EPN2: variants seen among roughly 807,000 people sequenced by gnomAD.
EPN2 encodes epsin 2, also known as epsin-2.
EPN2 carries 34 observed loss-of-function variants against 61.7 expected under a neutral mutation model. The observed-to-expected ratio is 0.55, with a 90% CI of 0.42 to 0.73. The LOEUF is 0.73. Ranked by LOEUF, EPN2 falls within the 30% of genes least tolerant of loss-of-function variation. EPN2 has a pLI of 0.00. For missense variants in EPN2, 714 were observed against 839.2 expected (o/e 0.85, Z 1.84); for synonymous variants, 349 against 353.6 (o/e 0.99, Z 0.15).
chr17:19,293,393 A>G, intron 4 of EPN2, among the ~76,000 whole-genome samples: 1 of 149,594 alleles, frequency 6.7e-6, no homozygotes, highest in East Asian at 2.0e-4. Context: ...AAAAAAAGAC[A>G]GGGTCTTGCT....
chr17:19,241,584 C>CAAAAAAAAAAAAAAAAAA (rs767439856), intron 1 of EPN2, among the ~76,000 whole-genome samples: 2 of 60,084 alleles, frequency 3.3e-5, no homozygotes, highest in Non-Finnish European at 7.5e-5. Flanking sequence ...GACTCTGTCT[C>CAAAAAAAAAAAAAAAAAA]AAAAAAAAAA....
At chr17:19,333,809 C>G in intron 10 of EPN2, 147 bp from the exon 11 acceptor site, 1 of 561,536 alleles carries the variant, frequency 1.8e-6, no homozygotes, top group Non-Finnish European at 3.1e-6. Context: ...CAGATATTTG[C>G]TAGTGTCTGC....
At position 19,285,319 on chromosome 17, in the gene EPN2, C is replaced by T. The variant is rs900144856; in HGVS notation, c.596-301C>T. Among the ~76,000 whole-genome samples the T allele has an allele frequency of 6.6e-6, 1 of 152,270 alleles. No homozygotes were observed. The highest frequency in any genetic ancestry group is 2.4e-5 in the African/African-American group (1 of 41,474). On this transcript the variant is annotated intron_variant, in intron 3 of 10. Coordinates refer to ENST00000314728, the MANE Select transcript of EPN2 (RefSeq NM_014964.5). This position sits in a 1 kb window ranked among gnomAD's most constrained non-coding sequence, Gnocchi z 4.5. ...TGCAGGGGTTGGAACAGTGGGGATG[C>T]AGGAGCCTGGTTTGATCCACCCCTC...
At chr17:19,293,915 CCT>C (rs1434060854) in intron 4 of EPN2, among the ~76,000 whole-genome samples, 1 of 151,722 alleles carries the variant, frequency 6.6e-6, no homozygotes, top group African/African-American at 2.4e-5. Context: ...TGGTGAAACC[CCT>C]GTCTCTACCA....
intron 1 of EPN2, among the ~76,000 whole-genome samples, chr17:19,264,869 C>T (rs1241556900): frequency 6.6e-6 from 1 of 152,094 alleles, no homozygotes; most frequent in Non-Finnish European, 1.5e-5. Flanking sequence ...TGAGAGCCTG[C>T]AGTCCAGAGG....
chr17:19,324,492 C>T (rs1024347555), intron 7 of EPN2, among the ~76,000 whole-genome samples: 5 of 152,114 alleles, frequency 3.3e-5, no homozygotes, highest in African/African-American at 9.7e-5. Flanking sequence ...TGCTACCACG[C>T]CCAGCTAATT....
intron 4 of EPN2, among the ~76,000 whole-genome samples, chr17:19,297,700 G>A (rs192284228): frequency 9.9e-5 from 15 of 152,278 alleles, no homozygotes; most frequent in African/African-American, 2.9e-4. Context: ...ATGAGGCCAA[G>A]GGCAAGCCAC....
intron 7 of EPN2, among the ~76,000 whole-genome samples, chr17:19,321,820 C>T (rs1906650474): frequency 6.6e-6 from 1 of 152,144 alleles, no homozygotes. Context: ...CCCCAGGTCT[C>T]CCGTGTCCTC....
chr17:19,333,543 T>C (rs1161924436), intron 10 of EPN2, among the ~76,000 whole-genome samples: 1 of 152,186 alleles, frequency 6.6e-6, no homozygotes, highest in Non-Finnish European at 1.5e-5. Flanking sequence ...TGTGGATCCC[T>C]GGGTGCATTG....
In EPN2 at chr17:19,313,140, T is replaced by C. The variant is rs1262941134; in HGVS notation, c.1008T>C (p.Asp336=). ...TCCCACAGCAGACTACGCTGTTGGA[T>C]TTAATGGATGCTCTCCCCAGCTCGG... is the stretch of plus-strand genomic sequence containing the variant. ...GSLPQQTTLL[D]LMDALPSSGP... is the part of the protein sequence containing the mutation. The change falls in exon 7 of 11, where the codon GAT becomes GAC. Residue 336 remains aspartate, a synonymous_variant. Coordinates refer to ENST00000314728, the MANE Select transcript of EPN2 (RefSeq NM_014964.5). The C allele has an allele frequency of 6.2e-7, 1 of 1,613,858 alleles. No homozygotes were observed. The highest frequency in any genetic ancestry group is 2.2e-5 in the East Asian group (1 of 44,846).
intron 1 of EPN2, among the ~76,000 whole-genome samples, chr17:19,255,135 C>T (rs1485802091): frequency 2.0e-5 from 3 of 152,136 alleles, no homozygotes; most frequent in African/African-American, 4.8e-5. Flanking sequence ...GCCTGTGTCA[C>T]GTCTTTGGTG....
intron 1 of EPN2, among the ~76,000 whole-genome samples, chr17:19,269,167 C>T (rs1224413934): frequency 1.3e-5 from 2 of 152,164 alleles, no homozygotes; most frequent in Non-Finnish European, 2.9e-5. Context: ...AGAAGAACAA[C>T]AAGAAAACAT....
chr17:19,310,963 C>G (rs928537151), intron 5 of EPN2, among the ~76,000 whole-genome samples: 4 of 152,178 alleles, frequency 2.6e-5, no homozygotes, highest in African/African-American at 9.6e-5. Context: ...ATTGTCAAGC[C>G]TTTGGTTGCA....
intron 1 of EPN2, among the ~76,000 whole-genome samples, chr17:19,254,206 AGGAAAGGAAAAAGG>A (rs1597972530): frequency 1.3e-5 from 2 of 151,772 alleles, no homozygotes; most frequent in African/African-American, 4.8e-5. Flanking sequence ...AAGGAAAGGA[AGGAAAGGAAAAAGG>A]AAAGGAAAGG....
At chr17:19,287,579 C>T (rs2045418409) in intron 4 of EPN2, among the ~76,000 whole-genome samples, 1 of 152,092 alleles carries the variant, frequency 6.6e-6, no homozygotes, top group African/African-American at 2.4e-5. Flanking sequence ...AATCTATGCA[C>T]ACCAGTGGAT....
At chr17:19,287,136 C>T (rs879383350) in intron 4 of EPN2, among the ~76,000 whole-genome samples, 2 of 152,078 alleles carry the variant, frequency 1.3e-5, no homozygotes, top group Non-Finnish European at 2.9e-5. Context: ...CCTGGCAGGC[C>T]TGCAGGCTGG....
chr17:19,312,854 AG>A (rs1906210762), intron 6 of EPN2: 1 of 454,236 alleles, frequency 2.2e-6, no homozygotes, highest in Non-Finnish European at 3.9e-6. Context: ...AGCCTGGAAA[AG>A]TCTGTTGAGC....
chr17:19,312,207 C>G, intron 6 of EPN2, 63 bp downstream of exon 6: 2 of 1,181,596 alleles, frequency 1.7e-6, no homozygotes, highest in South Asian at 1.2e-5. Flanking sequence ...TCAATATCCC[C>G]CCACCAACTT....
intron 4 of EPN2, among the ~76,000 whole-genome samples, chr17:19,290,794 C>T (rs2045457069): frequency 6.7e-6 from 1 of 150,042 alleles, no homozygotes. Flanking sequence ...TCAGAACCAA[C>T]TTGGGTTCTG....
Sources: allele counts gnomAD v4.1 joint callset (sites outside exome capture counted in the v4.1 genomes callset), GRCh38; gene constraint gnomAD v4.1.1; non-coding constraint Gnocchi (gnomAD v3.1); transcripts MANE v1.5; gene names NCBI Gene and HGNC (gene_info 2026-07-23, HGNC 2026-07-21).